Variants in MPZL3 observed in about 807,000 individuals in gnomAD.
The protein encoded by MPZL3 is myelin protein zero-like protein 3.
MPZL3 carries 23 observed loss-of-function variants against 24.8 expected under a neutral mutation model. The observed-to-expected ratio is 0.93, with a 90% CI of 0.67 to 1.31. The LOEUF (loss-of-function observed/expected upper bound fraction) is 1.31, where lower values mean the gene tolerates loss of function less well. Ranked by LOEUF, MPZL3 falls within the 40% of genes most tolerant of loss-of-function variation. The pLI, the probability that MPZL3 is intolerant of heterozygous loss-of-function variation, is 0.00. For synonymous variants in MPZL3, 99 were observed against 106.5 expected (o/e 0.93, Z 0.44); for missense variants, 277 against 294.9 (o/e 0.94, Z 0.44).
chr11:118,245,215 A>G (rs968165914), intron 1 of MPZL3, among the ~76,000 whole-genome samples: 1 of 152,156 alleles, frequency 6.6e-6, no homozygotes, highest in Non-Finnish European at 1.5e-5. Context: ...CCTGGCCAAC[A>G]TGGCGAAACC....
In MPZL3 at chr11:118,234,468, A is replaced by T. The variant is rs558234443; in HGVS notation, c.618-945T>A. On this transcript the variant is annotated intron_variant, in intron 4 of 5. Coordinates refer to ENST00000278949, the MANE Select transcript of MPZL3 (RefSeq NM_198275.3). ...AGGGCATTCCCAGCAAGTCAAAAGG[A>T]GGGGTCTTAGAGGATGAGAATGAGT... is the stretch of plus-strand genomic sequence containing the variant. Among the ~76,000 whole-genome samples the T allele has an allele frequency of 3.3e-5, 5 of 152,234 alleles. No individual in the cohort carries two copies. The East Asian group carries it at 9.6e-4, about 29-fold the overall frequency.
rs1335403687 is a variant in MPZL3 at position 118,235,485 on chromosome 11, C to T, written c.556G>A (p.Ala186Thr). Reference protein sequence around the residue: ...LLLVRMGRKAAGLKKRSRSGY... With the variant: ...LLLVRMGRKATGLKKRSRSGY... The stretch of plus-strand genomic sequence containing the variant: ...GACCTGCTCCTCTTCTTCAGCCCAG[C>T]AGCCTTCCTCCCCATTCTCACCAGC... The change falls in exon 4 of 6, where the codon GCT (alanine) becomes ACT (threonine). Residue 186 changes from alanine to threonine, a missense_variant. Ala to Thr is a moderately conservative substitution (Grantham distance 58). Transcript: ENST00000278949. 2 of 1,614,036 alleles carry T rather than the reference C, an allele frequency of 1.2e-6. No homozygotes were observed. Among genetic ancestry groups the T allele is most frequent in the South Asian group, 2.2e-5 (2 of 91,086 alleles).
At chr11:118,246,932 A>G (rs1259882139) in intron 1 of MPZL3, among the ~76,000 whole-genome samples, 1 of 152,136 alleles carries the variant, frequency 6.6e-6, no homozygotes, top group Non-Finnish European at 1.5e-5. Context: ...GGAAGCTGAC[A>G]GCAGCACAAA....
chr11:118,246,585 CTT>C (rs71301655), intron 1 of MPZL3, among the ~76,000 whole-genome samples: 20 of 123,210 alleles, frequency 1.6e-4, no homozygotes, highest in Non-Finnish European at 1.8e-4. Context: ...TTTTTCTTTT[CTT>C]TTTTTTTTTT....
At chr11:118,231,182 C>T (rs1949346158) in intron 5 of MPZL3, among the ~76,000 whole-genome samples, 1 of 152,174 alleles carries the variant, frequency 6.6e-6, no homozygotes, top group Admixed American at 6.5e-5. Context: ...CCAATGACCT[C>T]CATATTCCCA....
rs1208768850 is a variant in MPZL3, at chr11:118,237,157, A to G, written c.344T>C (p.Ile115Thr). 3.7e-6 allele frequency: 6 copies of G among 1,614,042 alleles called. No individual in the cohort carries two copies. Among genetic ancestry groups the G allele is most frequent in the South Asian group, 1.1e-5 (1 of 91,082 alleles). Residue 115 changes from isoleucine to threonine, a missense_variant, in exon 3 of 6, where the codon ATA becomes ACA. Physicochemically the swap from Ile to Thr is moderately conservative, Grantham distance 89. Transcript: ENST00000278949. ...NVYKGDASIS[I>T]SNPTIKDNGT... is the part of the protein sequence containing the mutation. ...ATTGTCCTTTATGGTAGGGTTGCTT[A>G]TACTTATAGATGCATCCCCTTTGTA... is the stretch of plus-strand genomic sequence containing the variant.
At position 118,242,459 on chromosome 11, in the gene MPZL3, T is replaced by C. The variant is rs143404472; in HGVS notation, c.74-2082A>G. On this transcript the variant is annotated intron_variant, in intron 1 of 5. Transcript: ENST00000278949. ...TTCAAAAACTTTCAGTAATTTCCTA[T>C]TGGACTACAAAATAAAATTCAGAGA... 5.2e-5 allele frequency among the ~76,000 whole-genome samples: 8 copies of C among 152,386 alleles called. No homozygotes were observed. The East Asian group carries it at 1.5e-3, about 29-fold the overall frequency.
intron 1 of MPZL3, among the ~76,000 whole-genome samples, chr11:118,240,965 C>A (rs565462549): frequency 6.6e-6 from 1 of 152,118 alleles, no homozygotes; most frequent in Non-Finnish European, 1.5e-5. Context: ...TTCCCTTTTT[C>A]TTAAAGCTGG....
At chr11:118,239,715 T>C (rs1949469542) in intron 2 of MPZL3, among the ~76,000 whole-genome samples, 1 of 152,194 alleles carries the variant, frequency 6.6e-6, no homozygotes, top group Non-Finnish European at 1.5e-5. Flanking sequence ...GGCAGCCATA[T>C]AAATCAATGC....
intron 2 of MPZL3, among the ~76,000 whole-genome samples, chr11:118,239,922 T>A (rs943982299): frequency 5.3e-5 from 8 of 152,142 alleles, no homozygotes; most frequent in Non-Finnish European, 1.2e-4. Context: ...AATCTGAAAA[T>A]GAAGCTATGA....
intron 1 of MPZL3, 43 bp downstream of exon 1, chr11:118,252,179 A>C (rs1322213073): frequency 3.1e-6 from 5 of 1,605,222 alleles, no homozygotes; most frequent in East Asian, 2.2e-5. Flanking sequence ...ATCTTCCCTA[A>C]CCCCCCGGCC....
intron 3 of MPZL3, 108 bp downstream of exon 3, chr11:118,236,942 C>G (rs1191368570): frequency 1.1e-6 from 1 of 911,448 alleles, no homozygotes; most frequent in Non-Finnish European, 1.7e-6. Context: ...GATTTAATGA[C>G]CCAACTGGCT....
At chr11:118,238,936 G>A (rs1045120262) in intron 2 of MPZL3, among the ~76,000 whole-genome samples, 2 of 152,128 alleles carry the variant, frequency 1.3e-5, no homozygotes, top group Admixed American at 6.5e-5. Flanking sequence ...GTGTATCCTC[G>A]AGATTAGTCT....
At position 118,240,359 on chromosome 11, in the gene MPZL3, G is replaced by A. The variant is rs1949479004; in HGVS notation, c.92C>T (p.Ser31Phe). ...LFFQGVYIVF[S>F]LEIRADAHVR... ...ATGGGCATCTGCACGAATCTCCAAG[G>A]AAAAGACGATATAAACACCTAATCA... The change falls in exon 2 of 6, where the codon TCC becomes TTC. Residue 31 changes from serine (S) to phenylalanine (F), a missense_variant. Transcript: ENST00000278949. 1.2e-6 allele frequency: 2 copies of A among 1,604,360 alleles called. No individual in the cohort carries two copies. Among genetic ancestry groups the A allele is most frequent in the Non-Finnish European group, 1.7e-6 (2 of 1,176,668 alleles).
At chr11:118,251,121 AAG>A (rs141456931) in intron 1 of MPZL3, among the ~76,000 whole-genome samples, 8 of 123,280 alleles carry the variant, frequency 6.5e-5, no homozygotes, top group Admixed American at 8.4e-5. Context: ...GTGTGTGTGA[AAG>A]AGAGAGAGAG....
chr11:118,241,825 C>T (rs910970881), intron 1 of MPZL3, among the ~76,000 whole-genome samples: 1 of 152,196 alleles, frequency 6.6e-6, no homozygotes, highest in Admixed American at 6.5e-5. Context: ...CTAATAAGAA[C>T]TCATAAGAAT....
intron 1 of MPZL3, among the ~76,000 whole-genome samples, chr11:118,247,634 CTTGT>C (rs1235443706): frequency 6.6e-6 from 1 of 152,040 alleles, no homozygotes; most frequent in Non-Finnish European, 1.5e-5. Flanking sequence ...CCACACCCGC[CTTGT>C]TTATTTTTTG....
chr11:118,247,662 G>A (rs992465512), intron 1 of MPZL3, among the ~76,000 whole-genome samples: 1 of 151,534 alleles, frequency 6.6e-6, no homozygotes, highest in Non-Finnish European at 1.5e-5. Flanking sequence ...TTTTTGAGAT[G>A]GGGTCTCACT....
intron 1 of MPZL3, among the ~76,000 whole-genome samples, chr11:118,249,629 A>G (rs1949597110): frequency 6.6e-6 from 1 of 152,124 alleles, no homozygotes; most frequent in Admixed American, 6.6e-5. Flanking sequence ...TAAATGTGTC[A>G]ATAAAGCCCC....
Sources: gnomAD v4.1 joint callset for allele counts (sites outside exome capture counted in the v4.1 genomes callset) on GRCh38, gnomAD v4.1.1 for gene constraint, MANE v1.5 for transcripts, NCBI Gene and HGNC (gene_info 2026-07-23, HGNC 2026-07-21) for gene names.